KIAA1671: variants seen among roughly 807,000 people sequenced by gnomAD.
KIAA1671 encodes uncharacterized protein KIAA1671.
A neutral mutation model predicts 131.2 loss-of-function variants in KIAA1671; 52 were observed. That is an observed-to-expected ratio of 0.40 (90% CI 0.32 to 0.50). The LOEUF is 0.50. KIAA1671 is among the 20% of genes least tolerant of loss of function. KIAA1671 has a pLI of 0.73. For synonymous variants in KIAA1671, 1,003 were observed against 961.6 expected, an observed-to-expected ratio of 1.04 and a Z score of -0.80; for missense variants, 2,360 against 2,364.2, an observed-to-expected ratio of 1.00 and a Z score of 0.04.
Position 25,041,319 on chromosome 22 carries a change from G to A in KIAA1671, c.4189G>A (p.Asp1397Asn). Residue 1397 changes from aspartate to asparagine, a missense_variant, in exon 5 of 13, where the codon GAC (aspartate) becomes AAC (asparagine). Physicochemically the swap from Asp to Asn is conservative, Grantham distance 23. Coordinates refer to ENST00000358431, the MANE Select transcript of KIAA1671 (RefSeq NM_001145206.2). ...SVAQWGDHPRDCGRVPLDIKR... is the reference protein window; with the variant it reads ...SVAQWGDHPRNCGRVPLDIKR... ...GGCCCAGTGGGGTGACCACCCACGT[G>A]ACTGTGGACGGGTGCCGCTGGATAT... 1 of 1,551,748 alleles carries A rather than the reference G, an allele frequency of 6.4e-7. No homozygotes were observed. The highest frequency in any genetic ancestry group is 8.7e-7 in the Non-Finnish European group (1 of 1,147,002).
rs111543847 is a variant in KIAA1671, at chr22:24,954,263, C to T, written c.-208+1491C>T. Reference sequence around the variant, plus strand: ...CAAGACATTTGGACAAAGCTTCTCCCTTGGTCTGGCTTTCCCTCTGCTAAT... The same window carrying T: ...CAAGACATTTGGACAAAGCTTCTCCTTTGGTCTGGCTTTCCCTCTGCTAAT... On this transcript the variant is annotated intron_variant, in intron 1 of 12. Transcript: ENST00000358431. 3.5e-3 allele frequency among the ~76,000 whole-genome samples: 528 copies of T among 152,254 alleles called. 2 individuals are homozygous for T. The highest frequency in any genetic ancestry group is 0.012 in the African/African-American group (510 of 41,558).
Position 25,039,026 on chromosome 22 carries a change from C to T in KIAA1671, c.1896C>T (p.Leu632=), listed in dbSNP as rs1413258059. ...TGGCTGACCAGTCGGGACGTTGTCT[C>T]TCCACCACACCCCCTGGTGACATGG... The part of the protein sequence containing the change: ...HTVADQSGRC[L]STTPPGDMAH... Residue 632 remains leucine (L), a synonymous_variant, in exon 5 of 13, where the codon CTC becomes CTT. Transcript: ENST00000358431. 1.2e-5 allele frequency: 19 copies of T among 1,551,608 alleles called. No individual in the cohort carries two copies. Among genetic ancestry groups the T allele is most frequent in the South Asian group, 8.3e-5 (7 of 84,070 alleles).
chr22:25,108,908 T>C (rs1931176400), intron 6 of KIAA1671, among the ~76,000 whole-genome samples: 1 of 152,162 alleles, frequency 6.6e-6, no homozygotes, highest in Non-Finnish European at 1.5e-5. Context: ...GAGCATCTGC[T>C]TCCATAGTGG....
chr22:25,186,648 T>C (rs1313396060), intron 11 of KIAA1671, among the ~76,000 whole-genome samples: 1 of 152,190 alleles, frequency 6.6e-6, no homozygotes, highest in African/African-American at 2.4e-5. Context: ...AACTGAATCA[T>C]GGTGGACAAT....
chr22:25,162,485 A>G lies in KIAA1671; in HGVS notation c.4531-8335A>G, dbSNP rs1933480358. Among the ~76,000 whole-genome samples the G allele has an allele frequency of 2.0e-5, 3 of 152,348 alleles. No individual in the cohort carries two copies. The South Asian group carries it at 6.2e-4, about 32-fold the overall frequency. On this transcript the variant is annotated intron_variant, in intron 6 of 12. Transcript: ENST00000358431. ...GTGTCAAACACCCCAAAATACATGCAGGTGTAATATTTTCTCTTTTTCCCA... is the reference window on the plus strand; with the variant it reads ...GTGTCAAACACCCCAAAATACATGCGGGTGTAATATTTTCTCTTTTTCCCA...
intron 1 of KIAA1671, among the ~76,000 whole-genome samples, chr22:24,967,279 G>A (rs773290755): frequency 6.6e-5 from 10 of 152,170 alleles, no homozygotes; most frequent in Non-Finnish European, 1.0e-4. Context: ...GACTCAGGCA[G>A]TTGGTATTAC....
intron 1 of KIAA1671, among the ~76,000 whole-genome samples, chr22:25,001,267 A>G (rs2123862053): frequency 6.6e-6 from 1 of 151,978 alleles, no homozygotes; most frequent in Middle Eastern, 3.4e-3. Context: ...GTGTGTATAT[A>G]TATGCATGTG....
At chr22:25,156,172 G>A (rs1255079175) in intron 6 of KIAA1671, among the ~76,000 whole-genome samples, 1 of 151,014 alleles carries the variant, frequency 6.6e-6, no homozygotes, top group African/African-American at 2.4e-5. Context: ...ACAGGCACCC[G>A]CCACCATGCC....
intron 6 of KIAA1671, among the ~76,000 whole-genome samples, chr22:25,067,829 T>A (rs937392658): frequency 1.1e-4 from 16 of 152,232 alleles, no homozygotes; most frequent in African/African-American, 3.9e-4. Flanking sequence ...CCCCTGTGTT[T>A]ATGGCAACAG....
At chr22:25,105,948 C>G (rs1930984541) in intron 6 of KIAA1671, among the ~76,000 whole-genome samples, 1 of 152,154 alleles carries the variant, frequency 6.6e-6, no homozygotes, top group African/African-American at 2.4e-5. Flanking sequence ...GTATCAGCCT[C>G]CTTTCATTGT....
At chr22:25,105,641 G>A (rs183384746) in intron 6 of KIAA1671, among the ~76,000 whole-genome samples, 1 of 152,292 alleles carries the variant, frequency 6.6e-6, no homozygotes, top group African/African-American at 2.4e-5. Context: ...AGGAAGCCAG[G>A]AGGGAACAAG....
chr22:25,182,190 A>AAAAAAC (rs1934309256), intron 10 of KIAA1671, among the ~76,000 whole-genome samples: 2 of 148,064 alleles, frequency 1.4e-5, no homozygotes, highest in South Asian at 4.3e-4. Flanking sequence ...AAAAAAAAAC[A>AAAAAAC]AAAAACAAAC....
intron 1 of KIAA1671, among the ~76,000 whole-genome samples, chr22:24,960,790 A>G (rs1921980199): frequency 6.7e-6 from 1 of 150,026 alleles, no homozygotes; most frequent in African/African-American, 2.5e-5. Flanking sequence ...AAGGGTGTTT[A>G]GAACGTTGAA....
chr22:25,141,061 C>G (rs1932800141), intron 6 of KIAA1671, among the ~76,000 whole-genome samples: 1 of 152,258 alleles, frequency 6.6e-6, no homozygotes, highest in Admixed American at 6.5e-5. Context: ...CTCAGAGGAG[C>G]TCCTCAGCCT....
At chr22:25,190,868 C>T (rs957772775) in intron 12 of KIAA1671, 84 bp downstream of exon 12, 1 of 925,470 alleles carries the variant, frequency 1.1e-6, no homozygotes, top group Admixed American at 2.0e-5. Flanking sequence ...GCTTCAGAGA[C>T]TGGGGCTGTT....
intron 6 of KIAA1671, among the ~76,000 whole-genome samples, chr22:25,164,958 AAAAG>A (rs1289742985): frequency 1.1e-5 from 1 of 89,716 alleles, no homozygotes; most frequent in Non-Finnish European, 2.1e-5. Flanking sequence ...GAAAAAAAAA[AAAAG>A]AGAGAGAGTT....
At chr22:25,142,330 T>C (rs1366421463) in intron 6 of KIAA1671, among the ~76,000 whole-genome samples, 1 of 152,152 alleles carries the variant, frequency 6.6e-6, no homozygotes, top group African/African-American at 2.4e-5. Flanking sequence ...TCTGCACAAC[T>C]TGCCCACAAG....
intron 1 of KIAA1671, among the ~76,000 whole-genome samples, chr22:24,958,895 T>G (rs1921864726): frequency 6.7e-6 from 1 of 149,858 alleles, no homozygotes; most frequent in Non-Finnish European, 1.5e-5. Flanking sequence ...GGCAGCAGAC[T>G]GCTTGAACCT....
At chr22:25,014,670 A>G (rs958584844) in intron 1 of KIAA1671, 2 of 152,128 alleles carry the variant, frequency 1.3e-5, no homozygotes, top group Non-Finnish European at 2.9e-5. Context: ...CTCCCAAAGC[A>G]TTGGGATCAC....
Sources: allele counts gnomAD v4.1 joint callset (sites outside exome capture counted in the v4.1 genomes callset), GRCh38; gene constraint gnomAD v4.1.1; transcripts MANE v1.5; gene names NCBI Gene and HGNC (gene_info 2026-07-23, HGNC 2026-07-21).